Variants in CSMD1 observed in about 807,000 individuals in gnomAD.
The protein encoded by CSMD1 is CUB and Sushi multiple domains 1.
In CSMD1, 213 loss-of-function variants were observed where a neutral mutation model predicts 417.5. The observed-to-expected ratio is 0.51, with a 90% CI of 0.46 to 0.57. CSMD1 has a LOEUF of 0.57. CSMD1 is among the 20% of genes least tolerant of loss of function. The probability of loss-of-function intolerance (pLI) is 0.00; values close to 1 mark genes in which losing one functional copy is unlikely to be tolerated. For synonymous variants in CSMD1, 2,862 were observed against 1,736.8 expected (o/e 1.65, Z -16.11); for missense variants, 6,923 against 4,529.7 (o/e 1.53, Z -15.17).
At chr8:3,491,552 A>C (rs1041504697) in intron 11 of CSMD1, among the ~76,000 whole-genome samples, 1 of 152,216 alleles carries the variant, frequency 6.6e-6, no homozygotes, top group African/African-American at 2.4e-5. Context: ...ATGGGCCAGC[A>C]GGAAGATAAG....
chr8:3,548,079 A>T (rs1798751588), intron 10 of CSMD1, among the ~76,000 whole-genome samples: 1 of 152,190 alleles, frequency 6.6e-6, no homozygotes, highest in South Asian at 2.1e-4. Context: ...ACCAAAATAA[A>T]TAGGTCCACC....
intron 3 of CSMD1, among the ~76,000 whole-genome samples, chr8:4,058,469 G>C (rs561056004): frequency 2.0e-5 from 3 of 152,128 alleles, no homozygotes; most frequent in Non-Finnish European, 4.4e-5. Context: ...ACACAATCAC[G>C]TCATCTGCAA....
intron 49 of CSMD1, among the ~76,000 whole-genome samples, chr8:3,083,666 T>TTA (rs1814311989): frequency 3.5e-5 from 3 of 85,788 alleles, no homozygotes; most frequent in Admixed American, 2.5e-4. Flanking sequence ...TTTTTTTTTT[T>TTA]TTTTTTTTTT....
At chr8:4,495,839 A>T (rs1782236931) in intron 2 of CSMD1, among the ~76,000 whole-genome samples, 1 of 152,190 alleles carries the variant, frequency 6.6e-6, no homozygotes, top group Admixed American at 6.5e-5. Context: ...AACAAATATT[A>T]GAATTATTAA....
intron 7 of CSMD1, among the ~76,000 whole-genome samples, chr8:3,668,797 T>G (rs1798835262): frequency 6.6e-6 from 1 of 152,168 alleles, no homozygotes; most frequent in Admixed American, 6.5e-5. Context: ...GCTCATTTTG[T>G]TGCCTTAGAC....
intron 2 of CSMD1, among the ~76,000 whole-genome samples, chr8:4,479,318 A>G (rs1800963923): frequency 6.6e-6 from 1 of 152,150 alleles, no homozygotes; most frequent in African/African-American, 2.4e-5. Flanking sequence ...AAGTATGAAA[A>G]AGGAATTTTA....
At chr8:4,590,239 G>C (rs945379919) in intron 2 of CSMD1, among the ~76,000 whole-genome samples, 2 of 151,954 alleles carry the variant, frequency 1.3e-5, no homozygotes, top group Non-Finnish European at 2.9e-5. Context: ...GTAGTGTCTA[G>C]CGTCATACTT....
chr8:3,493,605 G>T lies in CSMD1; in HGVS notation c.1448+18C>A, dbSNP rs376202768. 4.4e-6 allele frequency: 7 copies of T among 1,584,078 alleles called. No individual in the cohort carries two copies. In the African/African-American group the frequency reaches 8.1e-5, roughly 18 times the overall value. On this transcript the variant is annotated intron_variant, in intron 11 of 69. Coordinates refer to ENST00000635120, the MANE Select transcript of CSMD1 (RefSeq NM_033225.6). The stretch of plus-strand genomic sequence containing the variant: ...CACTGCATGCATAAGAGAAGAAGAA[G>T]CTCAAGGACATACTCACACGTACAA...
At chr8:3,359,395 A>T in intron 20 of CSMD1, 55 bp from the exon 21 acceptor site, 5 of 1,217,046 alleles carry the variant, frequency 4.1e-6, no homozygotes, top group Non-Finnish European at 5.8e-6. Context: ...ATACACAAAG[A>T]TTAAATAGCA....
Position 3,369,283 on chromosome 8 carries a change from G to C in CSMD1, c.2870C>G (p.Thr957Arg). The C allele has an allele frequency of 6.3e-7, 1 of 1,591,012 alleles. No individual in the cohort carries two copies. The highest frequency in any genetic ancestry group is 8.6e-7 in the Non-Finnish European group (1 of 1,159,658). The change falls in exon 19 of 70, where the codon ACG becomes AGG. Residue 957 changes from threonine to arginine, a missense_variant. Thr to Arg is a moderately conservative substitution (Grantham distance 71). Transcript: ENST00000635120. Reference sequence around the variant, plus strand: ...CCCATGAGACACTTCAATGGTCCACGTGCAGTTTAGAGAGTTTGGATAAAA... The same window carrying C: ...CCCATGAGACACTTCAATGGTCCACCTGCAGTTTAGAGAGTTTGGATAAAA... ...PDFYPNSLNCTWTIEVSHGKG... is the reference protein window; with the variant it reads ...PDFYPNSLNCRWTIEVSHGKG...
At chr8:4,147,616 G>T (rs981084933) in intron 3 of CSMD1, among the ~76,000 whole-genome samples, 2 of 152,136 alleles carry the variant, frequency 1.3e-5, no homozygotes, top group African/African-American at 4.8e-5. Context: ...TAATGCAGCT[G>T]GACATGTGGC....
chr8:4,636,226 G>T (rs1387263380), intron 2 of CSMD1, among the ~76,000 whole-genome samples: 1 of 152,000 alleles, frequency 6.6e-6, no homozygotes, highest in Non-Finnish European at 1.5e-5. Flanking sequence ...GATTTCTTTG[G>T]AAGGGATATT....
chr8:4,147,163 C>A (rs374218557), intron 3 of CSMD1, among the ~76,000 whole-genome samples: 1 of 151,910 alleles, frequency 6.6e-6, no homozygotes, highest in East Asian at 1.9e-4. Context: ...TTCTACTCTC[C>A]CCCCCTGCCC....
At chr8:4,875,466 T>A (rs569881278) in intron 1 of CSMD1, among the ~76,000 whole-genome samples, 2 of 152,026 alleles carry the variant, frequency 1.3e-5, no homozygotes, top group Non-Finnish European at 2.9e-5. Context: ...CCATTTTACA[T>A]GTTTGGATGC....
At chr8:3,352,596 T>C (rs1368167098) in intron 21 of CSMD1, among the ~76,000 whole-genome samples, 1 of 152,154 alleles carries the variant, frequency 6.6e-6, no homozygotes, top group African/African-American at 2.4e-5. Flanking sequence ...TCCTAGCAGT[T>C]TGGGAGCGCG....
At chr8:4,606,371 GT>G (rs1800868371) in intron 2 of CSMD1, among the ~76,000 whole-genome samples, 1 of 152,064 alleles carries the variant, frequency 6.6e-6, no homozygotes, top group Non-Finnish European at 1.5e-5. Flanking sequence ...AAAAAAAAGA[GT>G]TCTTTCTGTG....
chr8:3,490,832 C>T (rs571348145), intron 11 of CSMD1, among the ~76,000 whole-genome samples: 3 of 151,928 alleles, frequency 2.0e-5, no homozygotes, highest in African/African-American at 7.3e-5. Flanking sequence ...GATATCTGGG[C>T]CCTCAGATGT....
chr8:4,653,985 G>C (rs1358461003), intron 1 of CSMD1, among the ~76,000 whole-genome samples: 1 of 151,962 alleles, frequency 6.6e-6, no homozygotes, highest in Non-Finnish European at 1.5e-5. Flanking sequence ...TCATGATTAG[G>C]TTCCATTCAA....
chr8:3,024,220 A>T (rs1287723490), intron 51 of CSMD1, among the ~76,000 whole-genome samples: 1 of 151,560 alleles, frequency 6.6e-6, no homozygotes. Context: ...AATGTGTTAC[A>T]GAAAAAATGA....
Sources: allele counts gnomAD v4.1 joint callset (sites outside exome capture counted in the v4.1 genomes callset), GRCh38; gene constraint gnomAD v4.1.1; transcripts MANE v1.5; gene names NCBI Gene and HGNC (gene_info 2026-07-23, HGNC 2026-07-21).